The following PCDHB10 variants were observed in gnomAD, a reference collection of about 807,000 sequenced individuals.
The protein encoded by PCDHB10 is protocadherin beta-10.
For synonymous variants in PCDHB10, 448 were observed against 449.2 expected (o/e 1.00, Z 0.04); for missense variants, 1,046 against 1,004.7 (o/e 1.04, Z -0.56).
At position 141,194,790 on chromosome 5, in the gene PCDHB10, C is replaced by T. The variant is rs782124058; in HGVS notation, c.2238C>T (p.Thr746=). Residue 746 remains threonine (T), a synonymous_variant, in exon 1 of 1, where the codon ACC becomes ACT. Coordinates refer to ENST00000239446, the MANE Select transcript of PCDHB10 (RefSeq NM_018930.4). ...GHLVDVRGAE[T]LSQSYQYEVC... is the part of the protein sequence containing the mutation. ...TGGTGGACGTGAGGGGCGCTGAGAC[C>T]CTGTCCCAGAGCTACCAGTATGAGG... is the stretch of plus-strand genomic sequence containing the variant. 1.3e-5 allele frequency: 21 copies of T among 1,614,064 alleles called. No individual in the cohort carries two copies. The highest frequency in any genetic ancestry group is 1.8e-5 in the Non-Finnish European group (21 of 1,179,990).
chr5:141,195,113 T>A lies in PCDHB10; in HGVS notation c.*158T>A. Reference sequence around the variant, plus strand: ...ACAATGTTTCATCATTTTTTTGCATTAATAACAACTGGGTTTAATTTAATG... The same window carrying A: ...ACAATGTTTCATCATTTTTTTGCATAAATAACAACTGGGTTTAATTTAATG... On this transcript the variant is annotated 3_prime_UTR_variant, in exon 1 of 1. Coordinates refer to ENST00000239446, the MANE Select transcript of PCDHB10 (RefSeq NM_018930.4). 1 of 719,546 alleles carries A rather than the reference T, an allele frequency of 1.4e-6. No homozygotes were observed. The highest frequency in any genetic ancestry group is 2.1e-6 in the Non-Finnish European group (1 of 465,832). The allele number at this position is 719,546 out of a possible 1,614,324, so 44.6% of individuals were successfully genotyped here.
chr5:141,195,074 A>T lies in PCDHB10; in HGVS notation c.*119A>T. ...TTCAAGCATTATTTTCAAGTAGTAT[A>T]CCCCTGTGGTTTTACAATGTTTCAT... On this transcript the variant is annotated 3_prime_UTR_variant, in exon 1 of 1. Coordinates refer to ENST00000239446, the MANE Select transcript of PCDHB10 (RefSeq NM_018930.4). The T allele has an allele frequency of 9.4e-7, 1 of 1,066,914 alleles. No homozygotes were observed. Among genetic ancestry groups the T allele is most frequent in the Non-Finnish European group, 1.3e-6 (1 of 765,904 alleles). The allele number at this position is 1,066,914 out of a possible 1,614,324, so 66.1% of individuals were successfully genotyped here.
rs561068361 is a variant in PCDHB10 at position 141,193,326 on chromosome 5, G to T, written c.774G>T (p.Gly258=). 88 of 1,614,086 alleles carry T rather than the reference G, an allele frequency of 5.5e-5. No homozygotes were observed. In the East Asian group the frequency reaches 1.8e-3, roughly 34 times the overall value. ...AGGCTCCAGAAAACAGCCCCATTGGGTTCCTTATTGTTAAGGTATGGGCAG... is the reference window on the plus strand; with the variant it reads ...AGGCTCCAGAAAACAGCCCCATTGGTTTCCTTATTGTTAAGGTATGGGCAG... ...ETQAPENSPI[G]FLIVKVWAED... The change falls in exon 1 of 1, where the codon GGG becomes GGT. Residue 258 remains glycine, a synonymous_variant. Transcript: ENST00000239446.
chr5:141,194,616 C>A lies in PCDHB10; in HGVS notation c.2064C>A (p.Leu688=). The change falls in exon 1 of 1, where the codon CTC becomes CTA. Residue 688 remains leucine, a synonymous_variant. Transcript: ENST00000239446. ...PAQAQAEADL[L]TVYLVVALAS... ...AGGCCCAGGCCGAGGCCGACTTGCT[C>A]ACCGTCTACCTGGTGGTGGCGTTGG... 1.9e-6 allele frequency: 3 copies of A among 1,595,926 alleles called. No individual in the cohort carries two copies. Among genetic ancestry groups the A allele is most frequent in the Non-Finnish European group, 2.6e-6 (3 of 1,176,414 alleles).
chr5:141,192,537 A>G lies in PCDHB10; in HGVS notation c.-16A>G. On this transcript the variant is annotated 5_prime_UTR_variant, in exon 1 of 1. In the 5' UTR this introduces an upstream ATG that the reference lacks. Transcript: ENST00000239446. ...CTGTGGCTGTAACCAACTAGGAAAT[A>G]ACGTATGCAGCAGCTATGGCTGTCA... 1 of 1,609,198 alleles carries G rather than the reference A, an allele frequency of 6.2e-7. No homozygotes were observed. Among genetic ancestry groups the G allele is most frequent in the African/African-American group, 1.3e-5 (1 of 74,692 alleles).
chr5:141,192,807 C>T lies in PCDHB10; in HGVS notation c.255C>T (p.Leu85=). ...LLLDSHTGNL[L]TNEKLDREKL... ...TGGATTCACATACCGGGAATTTGCT[C>T]ACAAATGAGAAACTGGACCGAGAGA... Residue 85 remains leucine, a synonymous_variant, in exon 1 of 1, where the codon CTC becomes CTT. Coordinates refer to ENST00000239446, the MANE Select transcript of PCDHB10 (RefSeq NM_018930.4). The T allele has an allele frequency of 6.2e-7, 1 of 1,609,102 alleles. No individual in the cohort carries two copies. The highest frequency in any genetic ancestry group is 8.5e-7 in the Non-Finnish European group (1 of 1,176,486).
At position 141,193,397 on chromosome 5, in the gene PCDHB10, T is replaced by C. The variant is rs200155261; in HGVS notation, c.845T>C (p.Phe282Ser). ...GVNAEVSYSFFDASENIRTTF... is the reference protein window; with the variant it reads ...GVNAEVSYSFSDASENIRTTF... ...AACGCGGAAGTATCCTATTCATTTTTTGATGCCTCAGAAAATATTCGAACA... is the reference window on the plus strand; with the variant it reads ...AACGCGGAAGTATCCTATTCATTTTCTGATGCCTCAGAAAATATTCGAACA... The change falls in exon 1 of 1, where the codon TTT becomes TCT. Residue 282 changes from phenylalanine to serine, a missense_variant. Coordinates refer to ENST00000239446, the MANE Select transcript of PCDHB10 (RefSeq NM_018930.4). The C allele has an allele frequency of 1.7e-4, 274 of 1,614,082 alleles. 2 individuals are homozygous for C. Among genetic ancestry groups the C allele is most frequent in the Non-Finnish European group, 2.0e-5 (24 of 1,180,026 alleles).
In PCDHB10 at chr5:141,192,434, A is replaced by G. The variant is rs2149668229; in HGVS notation, c.-119A>G. 2 of 1,300,396 alleles carry G rather than the reference A, an allele frequency of 1.5e-6. No homozygotes were observed. Among genetic ancestry groups the G allele is most frequent in the Admixed American group, 4.7e-5 (2 of 42,972 alleles). The allele number at this position is 1,300,396 out of a possible 1,614,324, so 80.6% of individuals were successfully genotyped here. A position where few individuals can be genotyped will look rare whatever the true frequency, so the allele number is the denominator to read the frequency against. ...AGCTTTAGCTGCCAAAGATTGGGAA[A>G]GGGAAAGGACAAAAAAGACCCCTGG... is the stretch of plus-strand genomic sequence containing the variant. On this transcript the variant is annotated 5_prime_UTR_variant, in exon 1 of 1. Transcript: ENST00000239446.
rs61744157 is a variant in PCDHB10, at chr5:141,193,268, C to T, written c.716C>T (p.Ala239Val). ...GTTGTCTTGGACGTCAATGACAATG[C>T]CCCACAGTTTGCCCAGGCTCTGTAT... ...RIVVLDVNDNAPQFAQALYET... is the reference protein window; with the variant it reads ...RIVVLDVNDNVPQFAQALYET... The change falls in exon 1 of 1, where the codon GCC becomes GTC. Residue 239 changes from alanine (A) to valine (V), a missense_variant. Transcript: ENST00000239446. The T allele has an allele frequency of 7.4e-3, 11,987 of 1,614,082 alleles. 61 individuals carry two copies. Among genetic ancestry groups the T allele is most frequent in the Non-Finnish European group, 8.2e-3 (9,685 of 1,180,040 alleles).
chr5:141,194,993 A>G lies in PCDHB10; in HGVS notation c.*38A>G, dbSNP rs1225896094. 1 of 1,531,454 alleles carries G rather than the reference A, an allele frequency of 6.5e-7. No individual in the cohort carries two copies. The highest frequency in any genetic ancestry group is 8.8e-7 in the Non-Finnish European group (1 of 1,139,014). 94.9% of individuals were successfully genotyped at this position (1,531,454 alleles called of 1,614,324 possible). On this transcript the variant is annotated 3_prime_UTR_variant, in exon 1 of 1. Transcript: ENST00000239446. ...GTTTCATATACTTTTGGTGTGTTAC[A>G]TAGCCATGTTTCTATTAGTTTACTT... is the stretch of plus-strand genomic sequence containing the variant.
rs1477361575 is a variant in PCDHB10, at chr5:141,192,455, C to T, written c.-98C>T. The T allele has an allele frequency of 1.2e-5, 17 of 1,473,972 alleles. No individual in the cohort carries two copies. Among genetic ancestry groups the T allele is most frequent in the African/African-American group, 8.5e-5 (6 of 70,570 alleles). The allele number at this position is 1,473,972 out of a possible 1,614,324, so 91.3% of individuals were successfully genotyped here. On this transcript the variant is annotated 5_prime_UTR_variant, in exon 1 of 1. Transcript: ENST00000239446. Reference sequence around the variant, plus strand: ...GGAAAGGGAAAGGACAAAAAAGACCCCTGGGCTACACGGCGTAGGTGCAGG... The same window carrying T: ...GGAAAGGGAAAGGACAAAAAAGACCTCTGGGCTACACGGCGTAGGTGCAGG...
Position 141,194,591 on chromosome 5 carries a change from A to C in PCDHB10, c.2039A>C (p.Gln680Pro), listed in dbSNP as rs199626768. Reference protein sequence around the residue: ...YLPLPEAAPAQAQAEADLLTV... With the variant: ...YLPLPEAAPAPAQAEADLLTV... ...CCTCTCCCGGAGGCGGCCCCGGCCCAGGCCCAGGCCGAGGCCGACTTGCTC... is the reference window on the plus strand; with the variant it reads ...CCTCTCCCGGAGGCGGCCCCGGCCCCGGCCCAGGCCGAGGCCGACTTGCTC... The change falls in exon 1 of 1, where the codon CAG becomes CCG. Residue 680 changes from glutamine to proline, a missense_variant. Physicochemically the swap from Gln to Pro is moderately conservative, Grantham distance 76. Transcript: ENST00000239446. The C allele has an allele frequency of 2.0e-6, 3 of 1,471,624 alleles. No individual in the cohort carries two copies. Among genetic ancestry groups the C allele is most frequent in the Non-Finnish European group, 2.8e-6 (3 of 1,089,472 alleles). 91.2% of individuals were successfully genotyped at this position (1,471,624 alleles called of 1,614,324 possible).
chr5:141,193,846 A>C lies in PCDHB10; in HGVS notation c.1294A>C (p.Lys432Gln). The C allele has an allele frequency of 6.2e-7, 1 of 1,614,172 alleles. No homozygotes were observed. Among genetic ancestry groups the C allele is most frequent in the Non-Finnish European group, 8.5e-7 (1 of 1,180,036 alleles). ...TVTDLGTPRL[K>Q]TEHNITVLVS... ...CACTGACTTGGGGACACCCAGGCTG[A>C]AAACCGAGCACAACATAACGGTCCT... The change falls in exon 1 of 1, where the codon AAA becomes CAA. Residue 432 changes from lysine (K) to glutamine (Q), a missense_variant. Lys to Gln is a moderately conservative substitution (Grantham distance 53). Transcript: ENST00000239446.
Position 141,193,418 on chromosome 5 carries a change from G to C in PCDHB10, c.866G>C (p.Arg289Pro). ...TTTTTTGATGCCTCAGAAAATATTCGAACAACCTTTCAAATCAATCCTTTT... is the reference window on the plus strand; with the variant it reads ...TTTTTTGATGCCTCAGAAAATATTCCAACAACCTTTCAAATCAATCCTTTT... ...YSFFDASENI[R>P]TTFQINPFSG... Residue 289 changes from arginine to proline, a missense_variant, in exon 1 of 1, where the codon CGA becomes CCA. Coordinates refer to ENST00000239446, the MANE Select transcript of PCDHB10 (RefSeq NM_018930.4). 1.9e-6 allele frequency: 3 copies of C among 1,614,080 alleles called. No individual in the cohort carries two copies. The highest frequency in any genetic ancestry group is 2.2e-5 in the East Asian group (1 of 44,872).
rs782485158 is a variant in PCDHB10 at position 141,192,616 on chromosome 5, G to C, written c.64G>C (p.Gly22Arg). Residue 22 changes from glycine to arginine, a missense_variant, in exon 1 of 1, where the codon GGA becomes CGA. Transcript: ENST00000239446. ...RQVLFLFLFW[G>R]VSLAGSGFGR... Reference sequence around the variant, plus strand: ...AGTCCTGTTTCTTTTTCTTTTTTGGGGAGTGTCCTTGGCAGGTTCTGGGTT... The same window carrying C: ...AGTCCTGTTTCTTTTTCTTTTTTGGCGAGTGTCCTTGGCAGGTTCTGGGTT... 1 of 1,613,950 alleles carries C rather than the reference G, an allele frequency of 6.2e-7. No individual in the cohort carries two copies. The highest frequency in any genetic ancestry group is 8.5e-7 in the Non-Finnish European group (1 of 1,179,978).
Position 141,193,987 on chromosome 5 carries a change from G to A in PCDHB10, c.1435G>A (p.Asp479Asn), listed in dbSNP as rs781938775. The change falls in exon 1 of 1, where the codon GAC becomes AAC. Residue 479 changes from aspartate to asparagine, a missense_variant. Transcript: ENST00000239446. Reference sequence around the variant, plus strand: ...CGGCAGCGTCAGCGCCACAGACAGAGACTCGGGCACCAACGCCCAGGTCAC... The same window carrying A: ...CGGCAGCGTCAGCGCCACAGACAGAAACTCGGGCACCAACGCCCAGGTCAC... ...HIGSVSATDR[D>N]SGTNAQVTYS... 1.2e-6 allele frequency: 2 copies of A among 1,610,262 alleles called. No individual in the cohort carries two copies. Among genetic ancestry groups the A allele is most frequent in the Non-Finnish European group, 1.7e-6 (2 of 1,179,016 alleles).
Position 141,193,813 on chromosome 5 carries a change from A to T in PCDHB10, c.1261A>T (p.Ile421Phe). ...REIRAEYNIT[I>F]TVTDLGTPRL... Reference sequence around the variant, plus strand: ...GATCAGAGCCGAGTACAACATCACTATCACCGTCACTGACTTGGGGACACC... The same window carrying T: ...GATCAGAGCCGAGTACAACATCACTTTCACCGTCACTGACTTGGGGACACC... The change falls in exon 1 of 1, where the codon ATC (isoleucine) becomes TTC (phenylalanine). Residue 421 changes from isoleucine (I) to phenylalanine (F), a missense_variant. Ile to Phe is a conservative substitution (Grantham distance 21, BLOSUM62 0). Coordinates refer to ENST00000239446, the MANE Select transcript of PCDHB10 (RefSeq NM_018930.4). 1 of 1,614,174 alleles carries T rather than the reference A, an allele frequency of 6.2e-7. No homozygotes were observed. The highest frequency in any genetic ancestry group is 8.5e-7 in the Non-Finnish European group (1 of 1,180,048).
Position 141,193,326 on chromosome 5 carries a change from G to A in PCDHB10, c.774G>A (p.Gly258=), listed in dbSNP as rs561068361. 6 of 1,613,968 alleles carry A rather than the reference G, an allele frequency of 3.7e-6. No individual in the cohort carries two copies. The Middle Eastern group carries it at 8.2e-4, about 221-fold the overall frequency. The change falls in exon 1 of 1, where the codon GGG becomes GGA. Residue 258 remains glycine (G), a synonymous_variant. Coordinates refer to ENST00000239446, the MANE Select transcript of PCDHB10 (RefSeq NM_018930.4). The stretch of plus-strand genomic sequence containing the variant: ...AGGCTCCAGAAAACAGCCCCATTGG[G>A]TTCCTTATTGTTAAGGTATGGGCAG... ...ETQAPENSPI[G]FLIVKVWAED...
chr5:141,194,951 A>G lies in PCDHB10; in HGVS notation c.2399A>G (p.Gln800Arg). Reference protein sequence around the residue: ...TFRNSFGFNIQ With the variant: ...TFRNSFGFNIR ...CGAAATAGCTTTGGATTTAATATTCAGTAAAGTCTGTTTTTAGTTTCATAT... is the reference window on the plus strand; with the variant it reads ...CGAAATAGCTTTGGATTTAATATTCGGTAAAGTCTGTTTTTAGTTTCATAT... The change falls in exon 1 of 1, where the codon CAG (glutamine) becomes CGG (arginine). Residue 800 changes from glutamine (Q) to arginine (R), a missense_variant. Transcript: ENST00000239446. The G allele has an allele frequency of 6.3e-7, 1 of 1,594,426 alleles. No homozygotes were observed. The highest frequency in any genetic ancestry group is 8.6e-7 in the Non-Finnish European group (1 of 1,168,444).
Sources: gnomAD v4.1 joint callset for allele counts on GRCh38, gnomAD v4.1.1 for gene constraint, MANE v1.5 for transcripts, NCBI Gene and HGNC (gene_info 2026-07-23, HGNC 2026-07-21) for gene names.